The following DAB1 variants were observed in gnomAD, a reference collection of about 807,000 sequenced individuals.
DAB1 encodes the protein disabled homolog 1.
DAB1 carries 15 observed loss-of-function variants against 64.6 expected under a neutral mutation model. The observed-to-expected ratio is 0.23, with a 90% CI of 0.16 to 0.36. DAB1 has a LOEUF of 0.36. Ranked by LOEUF, DAB1 falls within the 10% of genes least tolerant of loss-of-function variation. The pLI, the probability that DAB1 is intolerant of heterozygous loss-of-function variation, is 1.00. For synonymous variants in DAB1, 235 were observed against 251.9 expected (o/e 0.93, Z 0.64); for missense variants, 596 against 706.7 (o/e 0.84, Z 1.78).
intron 1 of DAB1, among the ~76,000 whole-genome samples, chr1:57,877,953 T>C (rs1359208350): frequency 6.6e-6 from 1 of 152,222 alleles, no homozygotes; most frequent in African/African-American, 2.4e-5. Context: ...ATAAAAACCC[T>C]TATTATCCTG....
chr1:57,965,663 T>A (rs1326329140), intron 5 of DAB1, among the ~76,000 whole-genome samples: 1 of 152,164 alleles, frequency 6.6e-6, no homozygotes, highest in Non-Finnish European at 1.5e-5. Flanking sequence ...AGCCCCTTCA[T>A]CTCTCCATCC....
chr1:58,082,078 G>A (rs1422857224), intron 5 of DAB1, among the ~76,000 whole-genome samples: 1 of 152,198 alleles, frequency 6.6e-6, no homozygotes, highest in East Asian at 1.9e-4. Context: ...GCCCAGAGAA[G>A]GACCATGACT....
At chr1:57,222,563 T>G (rs1250575500) in intron 2 of DAB1, among the ~76,000 whole-genome samples, 1 of 150,930 alleles carries the variant, frequency 6.6e-6, no homozygotes, top group East Asian at 1.9e-4. Context: ...CCAGCATGCT[T>G]AGGGAGAAAT....
At chr1:57,322,317 T>C (rs1464623507) in intron 1 of DAB1, among the ~76,000 whole-genome samples, 1 of 152,184 alleles carries the variant, frequency 6.6e-6, no homozygotes, top group Non-Finnish European at 1.5e-5. Flanking sequence ...AAAGTCATAT[T>C]GTGATTTTCT....
In DAB1 at chr1:58,334,603, C is replaced by CATTATATTAT. The variant is rs55941113; in HGVS notation, n.309+8739_309+8748dup. ...GAGCTATTTATCTTATATTATATTA[C>CATTATATTAT]ATTATATTATATTATATTATATTAT... On this transcript the variant is annotated intron_variant and non_coding_transcript_variant, in intron 4 of 20. Coordinates refer to the DAB1 transcript ENST00000485760. Among the ~76,000 whole-genome samples the CATTATATTAT allele has an allele frequency of 1.9e-3, 267 of 140,866 alleles. 1 individual carries two copies. The highest frequency in any genetic ancestry group is 3.8e-3 in the Middle Eastern group (1 of 266). 92.4% of individuals were successfully genotyped at this position (140,866 alleles called of 152,430 possible).
At chr1:57,234,836 C>T (rs533059736) in intron 2 of DAB1, among the ~76,000 whole-genome samples, 391 of 152,324 alleles carry the variant, frequency 2.6e-3, no homozygotes, top group Middle Eastern at 6.8e-3. Context: ...GGTCCCCATT[C>T]CTTGCTGACT....
chr1:58,335,159 A>G (rs751818762), intron 4 of DAB1, among the ~76,000 whole-genome samples: 22 of 152,252 alleles, frequency 1.4e-4, no homozygotes, highest in Non-Finnish European at 2.8e-4. Context: ...GACTAAAATG[A>G]GGGTACACGT....
intron 4 of DAB1, among the ~76,000 whole-genome samples, chr1:58,167,576 G>T (rs574722238): frequency 6.6e-6 from 1 of 152,348 alleles, no homozygotes; most frequent in South Asian, 2.1e-4. Context: ...GTGGCAACCT[G>T]CTTGGGTCCC....
In DAB1 at chr1:57,533,328, C is replaced by T. The variant is rs999756233; in HGVS notation, n.625+116264G>A. On this transcript the variant is annotated intron_variant and non_coding_transcript_variant, in intron 7 of 20. Coordinates refer to the DAB1 transcript ENST00000485760. The stretch of plus-strand genomic sequence containing the variant: ...CACCGAGACCCTGTGGATTCTTATA[C>T]AGAACCTATGCTCCTACAACACCTG... Among the ~76,000 whole-genome samples, 3 of 151,466 alleles carry T rather than the reference C, an allele frequency of 2.0e-5. No homozygotes were observed. The East Asian group carries it at 5.8e-4, about 29-fold the overall frequency.
rs568731427 is a variant in DAB1 at position 57,155,406 on chromosome 1, C to T, written c.68-9977G>A. On this transcript the variant is annotated intron_variant, in intron 2 of 14. Transcript: ENST00000371236. ...CTATGTGTCTATTTTTAGGCCAGTG[C>T]GGTGCTGTTTTGGTTACTATAGCTC... Among the ~76,000 whole-genome samples, 40 of 152,072 alleles carry T rather than the reference C, an allele frequency of 2.6e-4. No homozygotes were observed. The South Asian group carries it at 3.5e-3, about 13-fold the overall frequency.
At chr1:57,171,438 C>G (rs992797047) in intron 2 of DAB1, among the ~76,000 whole-genome samples, 2 of 152,176 alleles carry the variant, frequency 1.3e-5, no homozygotes, top group African/African-American at 4.8e-5. Flanking sequence ...TCTTTCCCTG[C>G]TAGAGGAGAA....
In DAB1 at chr1:57,770,066, T is replaced by A. The variant is rs1473775434; in HGVS notation, n.551+113933A>T. 5.3e-5 allele frequency among the ~76,000 whole-genome samples: 8 copies of A among 152,140 alleles called. No homozygotes were observed. The South Asian group carries it at 1.4e-3, about 28-fold the overall frequency. On this transcript the variant is annotated intron_variant and non_coding_transcript_variant, in intron 6 of 20. Coordinates refer to the DAB1 transcript ENST00000485760. ...CAGTCTGCAATCAGTACTCAGTAAA[T>A]TTGGTTAAATACATAAACAAATGAA... is the stretch of plus-strand genomic sequence containing the variant.
intron 7 of DAB1, among the ~76,000 whole-genome samples, chr1:57,630,268 G>C (rs1159771029): frequency 1.3e-5 from 2 of 152,138 alleles, no homozygotes; most frequent in Non-Finnish European, 2.9e-5. Flanking sequence ...CAGCTGGAAG[G>C]AGATCTTGAG....
chr1:58,258,651 C>A (rs1487861248), intron 4 of DAB1, among the ~76,000 whole-genome samples: 2 of 152,126 alleles, frequency 1.3e-5, no homozygotes, highest in Non-Finnish European at 2.9e-5. Context: ...AGAGACTGTC[C>A]GCTGGAGAAA....
At chr1:57,430,461 C>T (rs1313219431) in intron 7 of DAB1, among the ~76,000 whole-genome samples, 3 of 151,658 alleles carry the variant, frequency 2.0e-5, no homozygotes, top group South Asian at 2.1e-4. Context: ...CTGCAAGCTC[C>T]GCCTCCCGGG....
intron 2 of DAB1, among the ~76,000 whole-genome samples, chr1:57,163,431 T>C (rs952338500): frequency 6.6e-6 from 1 of 151,900 alleles, no homozygotes; most frequent in African/African-American, 2.4e-5. Context: ...GCTAGTATGA[T>C]CACAGCAGAG....
At chr1:57,382,334 A>C (rs775547511) in intron 1 of DAB1, among the ~76,000 whole-genome samples, 7 of 152,196 alleles carry the variant, frequency 4.6e-5, no homozygotes, top group Non-Finnish European at 7.3e-5. Context: ...CTTAATGAGG[A>C]TGAATCCTTA....
At chr1:57,720,316 C>A (rs1647135225) in intron 6 of DAB1, among the ~76,000 whole-genome samples, 1 of 152,086 alleles carries the variant, frequency 6.6e-6, no homozygotes, top group Non-Finnish European at 1.5e-5. Context: ...ATGAAGAAAC[C>A]AATGCTCAGA....
chr1:57,816,385 C>T (rs561857667), intron 6 of DAB1, among the ~76,000 whole-genome samples: 1 of 152,282 alleles, frequency 6.6e-6, no homozygotes, highest in South Asian at 2.1e-4. Flanking sequence ...GGTTAAGTTA[C>T]GAGTGACTGA....
Sources: allele counts gnomAD v4.1 joint callset (sites outside exome capture counted in the v4.1 genomes callset), GRCh38; gene constraint gnomAD v4.1.1; transcripts MANE v1.5; gene names NCBI Gene and HGNC (gene_info 2026-07-23, HGNC 2026-07-21).